The following PDE4B variants were observed in gnomAD, a reference collection of about 807,000 sequenced individuals.
The protein encoded by PDE4B is 3',5'-cyclic-AMP phosphodiesterase 4B.
Under a neutral mutation model 82.2 loss-of-function variants are expected in PDE4B, and 20 were observed. The observed-to-expected ratio is 0.24, with a 90% confidence interval of 0.17 to 0.35. PDE4B has a LOEUF of 0.35. Ranked by LOEUF, PDE4B falls within the 10% of genes least tolerant of loss-of-function variation. The probability of loss-of-function intolerance (pLI) is 1.00; values close to 1 mark genes in which losing one functional copy is unlikely to be tolerated. For missense variants in PDE4B, 655 were observed against 907.2 expected, an observed-to-expected ratio of 0.72 and a Z score of 3.57; for synonymous variants, 320 against 318.9, an observed-to-expected ratio of 1.00 and a Z score of -0.04.
At chr1:66,146,172 G>GTTTT (rs1646264756) in intron 3 of PDE4B, among the ~76,000 whole-genome samples, 1 of 88,554 alleles carries the variant, frequency 1.1e-5, no homozygotes, top group Non-Finnish European at 2.4e-5. Flanking sequence ...TGGGTAGCAT[G>GTTTT]CTTTTTTTTT....
intron 3 of PDE4B, among the ~76,000 whole-genome samples, chr1:65,980,175 G>A (rs6684069): frequency 0.63 from 96,401 of 152,042 alleles, 30,656 homozygotes; most frequent in African/African-American, 0.65. Flanking sequence ...AAATACATTT[G>A]AAAACACGAC....
At chr1:66,161,001 G>A (rs927185335) in intron 3 of PDE4B, among the ~76,000 whole-genome samples, 3 of 152,238 alleles carry the variant, frequency 2.0e-5, no homozygotes, top group African/African-American at 4.8e-5. Context: ...TGCATTGTCA[G>A]GAAGAAATTT....
Position 65,922,977 on chromosome 1 carries a change from C to T in PDE4B, c.281+4142C>T, listed in dbSNP as rs113675753. ...GTGAAGCTGTTCTCCCAATATTGACCACTGCCCTTTTGAGTATTCCCCCCA... is the reference window on the plus strand; with the variant it reads ...GTGAAGCTGTTCTCCCAATATTGACTACTGCCCTTTTGAGTATTCCCCCCA... On this transcript the variant is annotated intron_variant, in intron 3 of 16. Transcript: ENST00000341517. Among the ~76,000 whole-genome samples the T allele has an allele frequency of 2.7e-3, 412 of 152,202 alleles. 1 individual carries two copies. The highest frequency in any genetic ancestry group is 8.7e-3 in the African/African-American group (361 of 41,524).
intron 3 of PDE4B, among the ~76,000 whole-genome samples, chr1:66,234,075 A>C (rs1441901165): frequency 6.6e-6 from 1 of 152,230 alleles, no homozygotes; most frequent in African/African-American, 2.4e-5. Context: ...GTGTAGAGTC[A>C]GTATAATTTT....
intron 3 of PDE4B, among the ~76,000 whole-genome samples, chr1:65,981,517 G>GTA (rs1650686915): frequency 6.8e-6 from 1 of 147,830 alleles, no homozygotes; most frequent in Non-Finnish European, 1.5e-5. Flanking sequence ...GTATTTATGT[G>GTA]TATATAAATA....
At chr1:66,171,057 G>A (rs147362681) in intron 3 of PDE4B, among the ~76,000 whole-genome samples, 2 of 152,238 alleles carry the variant, frequency 1.3e-5, no homozygotes, top group African/African-American at 4.8e-5. Context: ...GTGTTGATGA[G>A]TAAATCAGAA....
chr1:66,372,528 A>C lies in PDE4B; in HGVS notation c.2061A>C (p.Glu687Asp), dbSNP rs1269895687. ...AGTTTGAACTGACTCTCGATGAGGA[A>C]GATTCTGAAGGACCTGAGAAGGAGG... ...KFQFELTLDE[E>D]DSEGPEKEGE... The change falls in exon 17 of 17, where the codon GAA (glutamate) becomes GAC (aspartate). Residue 687 changes from glutamate (E) to aspartate (D), a missense_variant. Glu to Asp is a conservative substitution (Grantham distance 45). Transcript: ENST00000341517. 6.2e-7 allele frequency: 1 copy of C among 1,614,142 alleles called. No homozygotes were observed. The highest frequency in any genetic ancestry group is 8.5e-7 in the Non-Finnish European group (1 of 1,179,998).
At chr1:65,869,684 TA>T (rs2100290252) in intron 1 of PDE4B, among the ~76,000 whole-genome samples, 1 of 152,292 alleles carries the variant, frequency 6.6e-6, no homozygotes, top group African/African-American at 2.4e-5. Flanking sequence ...AGTAGCTGAG[TA>T]AAATTCACCC....
intron 3 of PDE4B, among the ~76,000 whole-genome samples, chr1:66,106,580 G>T (rs966476876): frequency 6.6e-6 from 1 of 150,486 alleles, no homozygotes; most frequent in Non-Finnish European, 1.5e-5. Context: ...GACTCTTTTT[G>T]GTTGGTAAGC....
intron 3 of PDE4B, among the ~76,000 whole-genome samples, chr1:66,173,710 A>G (rs1013874437): frequency 6.6e-6 from 1 of 152,200 alleles, no homozygotes; most frequent in African/African-American, 2.4e-5. Context: ...ATCTGTTTTT[A>G]TGTAACTCAC....
chr1:65,836,572 T>G (rs897727303), intron 1 of PDE4B, among the ~76,000 whole-genome samples: 1 of 152,198 alleles, frequency 6.6e-6, no homozygotes, highest in African/African-American at 2.4e-5. Flanking sequence ...TGGCCTTCTA[T>G]GCTCACACAT....
chr1:66,203,452 G>C (rs936865570), intron 3 of PDE4B, among the ~76,000 whole-genome samples: 2 of 152,130 alleles, frequency 1.3e-5, no homozygotes, highest in African/African-American at 2.4e-5. Context: ...TTTCCAACTT[G>C]GTTCCATTCT....
chr1:66,021,929 A>G (rs1348893293), intron 3 of PDE4B, among the ~76,000 whole-genome samples: 1 of 152,134 alleles, frequency 6.6e-6, no homozygotes, highest in Non-Finnish European at 1.5e-5. Flanking sequence ...CAGTATTGAT[A>G]CTTCCTATCC....
intron 7 of PDE4B, among the ~76,000 whole-genome samples, chr1:66,329,174 C>G (rs1659937345): frequency 6.6e-6 from 1 of 152,064 alleles, no homozygotes; most frequent in African/African-American, 2.4e-5. Context: ...TCTGCACTCA[C>G]CTCAAGGTAT....
At chr1:66,345,133 G>A (rs1167657856) in intron 8 of PDE4B, among the ~76,000 whole-genome samples, 1 of 152,134 alleles carries the variant, frequency 6.6e-6, no homozygotes, top group Non-Finnish European at 1.5e-5. Flanking sequence ...CTGAGATTCG[G>A]GAAAGATAAC....
chr1:66,303,670 A>T (rs767643020), intron 7 of PDE4B, among the ~76,000 whole-genome samples: 2 of 152,154 alleles, frequency 1.3e-5, no homozygotes, highest in African/African-American at 2.4e-5. Flanking sequence ...AAAATGTTAG[A>T]TCATTCCCAG....
intron 1 of PDE4B, among the ~76,000 whole-genome samples, chr1:65,855,934 G>C (rs1646387624): frequency 6.6e-6 from 1 of 151,792 alleles, no homozygotes; most frequent in African/African-American, 2.4e-5. Context: ...TCTTTTTCTA[G>C]GTCTGAAAGT....
At chr1:65,922,038 C>G (rs1302358747) in intron 3 of PDE4B, among the ~76,000 whole-genome samples, 1 of 152,064 alleles carries the variant, frequency 6.6e-6, no homozygotes, top group East Asian at 1.9e-4. Flanking sequence ...TTGGAGAAAA[C>G]AGGCCATCAT....
At chr1:65,799,907 A>G (rs1645675715) in intron 1 of PDE4B, among the ~76,000 whole-genome samples, 1 of 152,196 alleles carries the variant, frequency 6.6e-6, no homozygotes. Context: ...AAGATTCTCC[A>G]TCTGTTTCTT....
Sources: gnomAD v4.1 joint callset for allele counts (sites outside exome capture counted in the v4.1 genomes callset) on GRCh38, gnomAD v4.1.1 for gene constraint, MANE v1.5 for transcripts, NCBI Gene and HGNC (gene_info 2026-07-23, HGNC 2026-07-21) for gene names.